Variants in CACNA2D1 observed in about 807,000 individuals in gnomAD.
CACNA2D1 encodes voltage-dependent calcium channel subunit alpha-2/delta-1.
A neutral mutation model predicts 171.5 loss-of-function variants in CACNA2D1; 53 were observed. The ratio of observed to expected loss-of-function variants is 0.31; its 90% CI spans 0.25 to 0.39. CACNA2D1 has a LOEUF of 0.39. Among genes scored for constraint, CACNA2D1 ranks in the 10% least tolerant of loss-of-function variants. CACNA2D1 has a pLI of 1.00. For missense variants in CACNA2D1, 903 were observed against 1,299.8 expected, an observed-to-expected ratio of 0.69 and a Z score of 4.69; for synonymous variants, 442 against 443.1, an observed-to-expected ratio of 1.00 and a Z score of 0.03.
intron 10 of CACNA2D1, among the ~76,000 whole-genome samples, chr7:82,040,452 C>CAAAAAAAAAAAAAA (rs34257660): frequency 1.9e-5 from 2 of 106,524 alleles, no homozygotes; most frequent in Non-Finnish European, 3.7e-5. Flanking sequence ...ATAATTTATT[C>CAAAAAAAAAAAAAA]AAAAAAAAAA....
At chr7:82,195,047 T>C (rs1798713349) in intron 3 of CACNA2D1, among the ~76,000 whole-genome samples, 1 of 152,072 alleles carries the variant, frequency 6.6e-6, no homozygotes. Flanking sequence ...TCTAGTGACA[T>C]ATACTTAAAG....
intron 4 of CACNA2D1, among the ~76,000 whole-genome samples, chr7:82,137,349 A>T (rs73703621): frequency 1.3e-5 from 2 of 152,302 alleles, no homozygotes; most frequent in African/African-American, 4.8e-5. Context: ...AGAAAGGAAA[A>T]ATGGAAATGG....
chr7:82,319,191 T>G (rs1815503272), intron 3 of CACNA2D1, among the ~76,000 whole-genome samples: 3 of 152,198 alleles, frequency 2.0e-5, no homozygotes, highest in African/African-American at 4.8e-5. Context: ...TATTAAGACC[T>G]TCTATTTTAA....
intron 3 of CACNA2D1, among the ~76,000 whole-genome samples, chr7:82,267,858 G>A (rs39743): frequency 6.6e-6 from 1 of 151,956 alleles, no homozygotes; most frequent in South Asian, 2.1e-4. Flanking sequence ...TTAGCCGGGC[G>A]TGGTGGCGGG....
intron 1 of CACNA2D1, among the ~76,000 whole-genome samples, chr7:82,377,686 C>T (rs1823178518): frequency 6.6e-6 from 1 of 152,146 alleles, no homozygotes; most frequent in Non-Finnish European, 1.5e-5. Context: ...TTTTCTTGCA[C>T]TTTCTGCCCC....
rs769123833 is a variant in CACNA2D1 at position 82,038,027 on chromosome 7, A to G, written c.1038+50T>C. ...TAACTATCAGAATATTGAAATTCAGATACTACAATTGAACAACAACAACAA... is the reference window on the plus strand; with the variant it reads ...TAACTATCAGAATATTGAAATTCAGGTACTACAATTGAACAACAACAACAA... On this transcript the variant is annotated intron_variant, in intron 11 of 38. Coordinates refer to ENST00000356860, the MANE Select transcript of CACNA2D1 (RefSeq NM_000722.4). 8 of 1,567,214 alleles carry G rather than the reference A, an allele frequency of 5.1e-6. No homozygotes were observed. The South Asian group carries it at 8.9e-5, about 17-fold the overall frequency.
At position 82,099,617 on chromosome 7, in the gene CACNA2D1, T is replaced by G. The variant is rs1280473066; in HGVS notation, c.527-14717A>C. 2.8e-4 allele frequency among the ~76,000 whole-genome samples: 30 copies of G among 108,458 alleles called. 5 individuals carry two copies. In the Admixed American group the frequency reaches 2.9e-3, roughly 11 times the overall value. 71.2% of individuals were successfully genotyped at this position (108,458 alleles called of 152,430 possible). On this transcript the variant is annotated intron_variant, in intron 6 of 38. Transcript: ENST00000356860. ...GGCGCCCGCCACTACGCCCGGCTAA[T>G]TTTTTGTATTTTTAGTAGAGACAGG...
rs142357220 is a variant in CACNA2D1 at position 82,346,005 on chromosome 7, A to G, written c.177+3563T>C. On this transcript the variant is annotated intron_variant, in intron 2 of 38. Coordinates refer to ENST00000356860, the MANE Select transcript of CACNA2D1 (RefSeq NM_000722.4). ...CAGAAAAAGGCTCCACTTCTTTGAC[A>G]CTTTTTGAGTTAGATGTGACTAAGT... Among the ~76,000 whole-genome samples the G allele has an allele frequency of 1.6e-4, 24 of 152,210 alleles. No individual in the cohort carries two copies. In the East Asian group the frequency reaches 4.6e-3, roughly 29 times the overall value.
chr7:82,270,054 G>T (rs562372025), intron 3 of CACNA2D1, among the ~76,000 whole-genome samples: 1 of 152,262 alleles, frequency 6.6e-6, no homozygotes, highest in African/African-American at 2.4e-5. Context: ...CTGCATCATT[G>T]TTCTGCCCTT....
At chr7:82,097,396 G>T (rs1245358464) in intron 6 of CACNA2D1, among the ~76,000 whole-genome samples, 1 of 152,164 alleles carries the variant, frequency 6.6e-6, no homozygotes, top group Non-Finnish European at 1.5e-5. Flanking sequence ...AGACTGGTGA[G>T]GAGTAATACC....
intron 4 of CACNA2D1, among the ~76,000 whole-genome samples, chr7:82,139,945 CTAT>C (rs4018980): frequency 0.18 from 26,193 of 142,840 alleles, 2,675 homozygotes; most frequent in East Asian, 0.34. Flanking sequence ...ACACACCTGG[CTAT>C]TATTATTATT....
chr7:82,252,531 T>C (rs186769884), intron 3 of CACNA2D1, among the ~76,000 whole-genome samples: 1 of 152,298 alleles, frequency 6.6e-6, no homozygotes, highest in East Asian at 1.9e-4. Context: ...GTTACAAAAA[T>C]AGTAGGTGTT....
At chr7:82,308,679 A>T (rs1171890150) in intron 3 of CACNA2D1, among the ~76,000 whole-genome samples, 1 of 152,230 alleles carries the variant, frequency 6.6e-6, no homozygotes, top group Non-Finnish European at 1.5e-5. Flanking sequence ...GGAAACCCAT[A>T]CCATGGGAAA....
chr7:82,132,240 A>G (rs899464845), intron 5 of CACNA2D1, among the ~76,000 whole-genome samples: 7 of 152,244 alleles, frequency 4.6e-5, no homozygotes, highest in Non-Finnish European at 1.0e-4. Flanking sequence ...AAAAGATAAT[A>G]GTCACTCAGA....
At chr7:82,157,327 T>C (rs1794473344) in intron 4 of CACNA2D1, among the ~76,000 whole-genome samples, 1 of 152,122 alleles carries the variant, frequency 6.6e-6, no homozygotes, top group Admixed American at 6.6e-5. Context: ...TCTTCATGCT[T>C]ATCCTGTGGG....
intron 7 of CACNA2D1, among the ~76,000 whole-genome samples, chr7:82,070,503 A>T (rs1001893277): frequency 6.6e-6 from 1 of 152,218 alleles, no homozygotes; most frequent in Admixed American, 6.5e-5. Context: ...GCAGTTATGC[A>T]GTCTTAAAGC....
intron 1 of CACNA2D1, among the ~76,000 whole-genome samples, chr7:82,351,033 T>C (rs1284982339): frequency 2.0e-5 from 3 of 152,204 alleles, no homozygotes; most frequent in Non-Finnish European, 4.4e-5. Flanking sequence ...TATTCCTCCA[T>C]ATATTTCACT....
intron 11 of CACNA2D1, among the ~76,000 whole-genome samples, chr7:82,034,269 T>A (rs1203259240): frequency 6.6e-6 from 1 of 152,244 alleles, no homozygotes; most frequent in Non-Finnish European, 1.5e-5. Context: ...TAATATTTTT[T>A]AAAAATTATT....
intron 4 of CACNA2D1, among the ~76,000 whole-genome samples, chr7:82,151,040 A>T (rs1793803047): frequency 6.6e-6 from 1 of 152,148 alleles, no homozygotes; most frequent in South Asian, 2.1e-4. Context: ...ACCTGTCTTT[A>T]GTTAAAACAT....
Sources: allele counts gnomAD v4.1 joint callset (sites outside exome capture counted in the v4.1 genomes callset), GRCh38; gene constraint gnomAD v4.1.1; transcripts MANE v1.5; gene names NCBI Gene and HGNC (gene_info 2026-07-23, HGNC 2026-07-21).